Variants in FHIT observed in about 807,000 individuals in gnomAD.
FHIT encodes the protein bis(5'-adenosyl)-triphosphatase.
A neutral mutation model predicts 17.9 loss-of-function variants in FHIT; 19 were observed. The ratio of observed to expected loss-of-function variants is 1.06; its 90% confidence interval spans 0.74 to 1.56. FHIT has a LOEUF of 1.56. Ranked by LOEUF, FHIT falls within the 40% of genes most tolerant of loss-of-function variation. The pLI is 0.00. For synonymous variants in FHIT, 81 were observed against 69.7 expected (o/e 1.16, Z -0.81); for missense variants, 248 against 189.2 (o/e 1.31, Z -1.82).
chr3:60,840,984 G>C (rs1326783719), intron 3 of FHIT, among the ~76,000 whole-genome samples: 1 of 152,150 alleles, frequency 6.6e-6, no homozygotes, highest in African/African-American at 2.4e-5. Context: ...CAAATGAAAA[G>C]TTTATTAGCT....
intron 5 of FHIT, among the ~76,000 whole-genome samples, chr3:60,053,624 A>G (rs560006801): frequency 1.3e-5 from 2 of 152,168 alleles, no homozygotes; most frequent in Non-Finnish European, 2.9e-5. Context: ...AAATCTCTTA[A>G]GAGATACCAA....
At chr3:60,215,768 A>C (rs1703669389) in intron 5 of FHIT, among the ~76,000 whole-genome samples, 1 of 152,184 alleles carries the variant, frequency 6.6e-6, no homozygotes, top group Admixed American at 6.5e-5. Flanking sequence ...CACTTATTCT[A>C]CATAATTACT....
At chr3:61,229,254 C>A (rs575357658) in intron 1 of FHIT, among the ~76,000 whole-genome samples, 13 of 152,202 alleles carry the variant, frequency 8.5e-5, no homozygotes, top group African/African-American at 3.1e-4. Context: ...CAGATGCAGA[C>A]AGACAGAAAA....
intron 5 of FHIT, among the ~76,000 whole-genome samples, chr3:60,296,371 T>C (rs1038322374): frequency 2.6e-5 from 4 of 152,246 alleles, no homozygotes; most frequent in African/African-American, 4.8e-5. Flanking sequence ...GTCACTCTCA[T>C]AGATGTGCAG....
At chr3:59,796,406 G>A (rs1202155778) in intron 8 of FHIT, among the ~76,000 whole-genome samples, 1 of 152,072 alleles carries the variant, frequency 6.6e-6, no homozygotes, top group Non-Finnish European at 1.5e-5. Flanking sequence ...GTGACACTCT[G>A]TTTCCAGGTT....
chr3:60,656,976 C>G (rs1559618709), intron 4 of FHIT, among the ~76,000 whole-genome samples: 1 of 58,844 alleles, frequency 1.7e-5, no homozygotes, highest in East Asian at 7.2e-4. Context: ...TTTTTTATGT[C>G]CACACAAAAA....
At chr3:60,948,026 A>C (rs533698506) in intron 3 of FHIT, among the ~76,000 whole-genome samples, 49 of 152,292 alleles carry the variant, frequency 3.2e-4, no homozygotes, top group Non-Finnish European at 6.2e-4. Flanking sequence ...AATTAAGATA[A>C]AGCCTCTGTA....
At chr3:60,621,514 A>AC (rs199523447) in intron 4 of FHIT, among the ~76,000 whole-genome samples, 2,072 of 152,186 alleles carry the variant, frequency 0.014, 56 homozygotes, top group African/African-American at 0.048. Flanking sequence ...CATAAATGGA[A>AC]CATTTTATAA....
At chr3:59,967,027 T>C (rs1431517487) in intron 7 of FHIT, among the ~76,000 whole-genome samples, 2 of 152,134 alleles carry the variant, frequency 1.3e-5, no homozygotes, top group Admixed American at 6.6e-5. Context: ...CTTTTATTTT[T>C]TACTTTTTAC....
At chr3:60,312,769 T>C (rs1185514716) in intron 5 of FHIT, among the ~76,000 whole-genome samples, 2 of 152,174 alleles carry the variant, frequency 1.3e-5, no homozygotes, top group Admixed American at 1.3e-4. Context: ...ACTATGTATA[T>C]ACATACGTAT....
chr3:60,692,306 T>G (rs1553699688), intron 4 of FHIT, among the ~76,000 whole-genome samples: 1 of 152,162 alleles, frequency 6.6e-6, no homozygotes, highest in African/African-American at 2.4e-5. Flanking sequence ...TCCAAAGGTG[T>G]CTACATCCTA....
chr3:60,154,218 T>A (rs1256253017), intron 5 of FHIT, among the ~76,000 whole-genome samples: 1 of 152,190 alleles, frequency 6.6e-6, no homozygotes, highest in East Asian at 1.9e-4. Flanking sequence ...TTTTCACTCA[T>A]GCAAAAATTC....
intron 4 of FHIT, among the ~76,000 whole-genome samples, chr3:60,693,422 G>A (rs1393762708): frequency 1.3e-5 from 2 of 152,104 alleles, no homozygotes; most frequent in South Asian, 2.1e-4. Flanking sequence ...TATCTAGATA[G>A]GATGCTAGTA....
chr3:60,176,296 G>A (rs1470108114), intron 5 of FHIT, among the ~76,000 whole-genome samples: 1 of 152,156 alleles, frequency 6.6e-6, no homozygotes, highest in Non-Finnish European at 1.5e-5. Context: ...AGGTTGCAGA[G>A]AGCTGAGCTC....
chr3:59,762,123 G>A (rs994005732), intron 8 of FHIT, among the ~76,000 whole-genome samples: 4 of 152,120 alleles, frequency 2.6e-5, no homozygotes, highest in South Asian at 2.1e-4. Flanking sequence ...ACTAACAGGC[G>A]GGTAGTGTAG....
intron 5 of FHIT, among the ~76,000 whole-genome samples, chr3:60,100,248 G>T (rs569028889): frequency 2.6e-5 from 4 of 152,242 alleles, no homozygotes; most frequent in Admixed American, 2.6e-4. Flanking sequence ...GCCAGGCATG[G>T]TGGTGGACGC....
chr3:60,202,795 C>A (rs1051639477), intron 5 of FHIT, among the ~76,000 whole-genome samples: 6 of 152,208 alleles, frequency 3.9e-5, no homozygotes, highest in Non-Finnish European at 7.4e-5. Flanking sequence ...GCTCTGTCTT[C>A]GTGCAGGTCT....
chr3:60,363,852 G>C (rs942895926), intron 5 of FHIT, among the ~76,000 whole-genome samples: 18 of 152,098 alleles, frequency 1.2e-4, no homozygotes, highest in Admixed American at 9.2e-4. Context: ...ATTCCTCTTG[G>C]TCCTTCCTGG....
At chr3:60,460,140 C>A (rs757144698) in intron 5 of FHIT, among the ~76,000 whole-genome samples, 2 of 139,392 alleles carry the variant, frequency 1.4e-5, no homozygotes, top group Non-Finnish European at 2.9e-5. Flanking sequence ...GAAATGTCTT[C>A]AACAAATATG....
Sources: gnomAD v4.1 joint callset for allele counts (sites outside exome capture counted in the v4.1 genomes callset) on GRCh38, gnomAD v4.1.1 for gene constraint, MANE v1.5 for transcripts, NCBI Gene and HGNC (gene_info 2026-07-23, HGNC 2026-07-21) for gene names.